Variants in TBC1D8 observed in about 807,000 individuals in gnomAD.
The protein encoded by TBC1D8 is TBC1 domain family member 8, also known as BUB2-like protein 1.
Under a neutral mutation model 118.8 loss-of-function variants are expected in TBC1D8, and 65 were observed. The observed-to-expected ratio is 0.55, with a 90% CI of 0.45 to 0.67. The LOEUF (loss-of-function observed/expected upper bound fraction) is 0.67. Ranked by LOEUF, TBC1D8 falls within the 30% of genes least tolerant of loss-of-function variation. The pLI, the probability that TBC1D8 is intolerant of heterozygous loss-of-function variation, is 0.00. For synonymous variants in TBC1D8, 566 were observed against 595.8 expected, an observed-to-expected ratio of 0.95 and a Z score of 0.73; for missense variants, 1,376 against 1,471.2, an observed-to-expected ratio of 0.94 and a Z score of 1.06.
Position 101,118,089 on chromosome 2 carries a change from C to T in TBC1D8, c.128-27725G>A, listed in dbSNP as rs145928374. Among the ~76,000 whole-genome samples the T allele has an allele frequency of 1.2e-4, 19 of 152,130 alleles. No individual in the cohort carries two copies. In the South Asian group the frequency reaches 3.5e-3, roughly 28 times the overall value. ...ACATCCATCATCAACCATAAAGTCACGAATGAGTGAGGACTGAGCTCCCTT... is the reference window on the plus strand; with the variant it reads ...ACATCCATCATCAACCATAAAGTCATGAATGAGTGAGGACTGAGCTCCCTT... On this transcript the variant is annotated intron_variant, in intron 1 of 19. Coordinates refer to ENST00000409318, the MANE Select transcript of TBC1D8 (RefSeq NM_001330348.2).
intron 1 of TBC1D8, among the ~76,000 whole-genome samples, chr2:101,123,070 T>C (rs1037576497): frequency 1.3e-5 from 2 of 152,186 alleles, no homozygotes; most frequent in East Asian, 1.9e-4. Context: ...TAGGAATATA[T>C]ACCTAAAACA....
At chr2:101,148,456 G>T (rs960279952) in intron 1 of TBC1D8, among the ~76,000 whole-genome samples, 2 of 152,172 alleles carry the variant, frequency 1.3e-5, no homozygotes, top group African/African-American at 4.8e-5. Context: ...TTGGTATATT[G>T]TAAGAGAAAG....
chr2:101,107,801 G>GA (rs1677321625), intron 1 of TBC1D8, among the ~76,000 whole-genome samples: 1 of 152,216 alleles, frequency 6.6e-6, no homozygotes, highest in Non-Finnish European at 1.5e-5. Flanking sequence ...CCCACAGTAT[G>GA]AAAGGTGGGG....
intron 17 of TBC1D8, among the ~76,000 whole-genome samples, chr2:101,021,117 G>A (rs1014312805): frequency 1.3e-5 from 2 of 152,108 alleles, no homozygotes; most frequent in African/African-American, 2.4e-5. Context: ...CCACAGCACT[G>A]GGGGGACAGA....
rs956366482 is a variant in TBC1D8 at position 101,022,138 on chromosome 2, T to C, written c.2761+143A>G. 3.6e-6 allele frequency: 5 copies of C among 1,374,086 alleles called. No homozygotes were observed. The African/African-American group carries it at 7.3e-5, about 20-fold the overall frequency. The allele number at this position is 1,374,086 out of a possible 1,614,324, so 85.1% of individuals were successfully genotyped here. ...ATCCTGAGAGGGGCCTGCAGAGTGATATTTCAAAATCATAAGTTCATGTCA... is the reference window on the plus strand; with the variant it reads ...ATCCTGAGAGGGGCCTGCAGAGTGACATTTCAAAATCATAAGTTCATGTCA... On this transcript the variant is annotated intron_variant, in intron 16 of 19. Coordinates refer to ENST00000409318, the MANE Select transcript of TBC1D8 (RefSeq NM_001330348.2).
At chr2:101,112,154 A>AG (rs1352491602) in intron 1 of TBC1D8, among the ~76,000 whole-genome samples, 5 of 152,160 alleles carry the variant, frequency 3.3e-5, no homozygotes, top group Non-Finnish European at 7.3e-5. Context: ...GACCAAACGT[A>AG]GGGGTCCTGT....
At chr2:101,018,132 C>G (rs1466509705) in intron 17 of TBC1D8, 10 of 528,718 alleles carry the variant, frequency 1.9e-5, no homozygotes, top group Non-Finnish European at 3.4e-5. Context: ...TTCAGAATAA[C>G]AAAGCTTTCC....
chr2:101,072,076 C>T (rs927729034), intron 2 of TBC1D8, among the ~76,000 whole-genome samples: 2 of 152,206 alleles, frequency 1.3e-5, no homozygotes, highest in African/African-American at 4.8e-5. Flanking sequence ...CTTCATCAAG[C>T]TCTTGGGCAA....
chr2:101,089,583 C>T (rs1376996928), intron 2 of TBC1D8, among the ~76,000 whole-genome samples: 2 of 152,048 alleles, frequency 1.3e-5, no homozygotes, highest in African/African-American at 4.8e-5. Context: ...CAGGTGGTTT[C>T]CACCTTCTCT....
Position 101,068,371 on chromosome 2 carries a change from G to A in TBC1D8, c.284-8832C>T, listed in dbSNP as rs533326021. Reference sequence around the variant, plus strand: ...AACTCTCGGTCTTCTTGGTAATACCGGGTTGGATGTCAAAAGTTGCAGAAA... The same window carrying A: ...AACTCTCGGTCTTCTTGGTAATACCAGGTTGGATGTCAAAAGTTGCAGAAA... On this transcript the variant is annotated intron_variant, in intron 2 of 19. Transcript: ENST00000409318. 59 of 259,384 alleles carry A rather than the reference G, an allele frequency of 2.3e-4. 1 individual carries two copies. Among genetic ancestry groups the A allele is most frequent in the South Asian group, 2.2e-3 (44 of 20,226 alleles). The allele number at this position is 259,384 out of a possible 1,614,324, so 16.1% of individuals were successfully genotyped here.
At chr2:101,072,340 T>G (rs1674505558) in intron 2 of TBC1D8, among the ~76,000 whole-genome samples, 2 of 151,640 alleles carry the variant, frequency 1.3e-5, no homozygotes, top group Admixed American at 6.6e-5. Context: ...GGAGCAGGTG[T>G]GTCAAAAGGA....
At chr2:101,125,800 G>A (rs1303611167) in intron 1 of TBC1D8, among the ~76,000 whole-genome samples, 10 of 152,176 alleles carry the variant, frequency 6.6e-5, no homozygotes, top group Non-Finnish European at 1.5e-5. Flanking sequence ...GAGTGAGGCA[G>A]GGTAACCAAT....
intron 1 of TBC1D8, among the ~76,000 whole-genome samples, chr2:101,150,016 C>T (rs1679487151): frequency 1.3e-5 from 2 of 152,312 alleles, no homozygotes; most frequent in Middle Eastern, 3.4e-3. Flanking sequence ...CAACTCCCAC[C>T]CACTCACCCG....
chr2:101,095,393 T>TCCCCCCCCCCCC (rs34728768), intron 1 of TBC1D8, among the ~76,000 whole-genome samples: 3 of 127,986 alleles, frequency 2.3e-5, no homozygotes, highest in Admixed American at 7.7e-5. Flanking sequence ...TAATGCTATC[T>TCCCCCCCCCCCC]CCCCCCCCCT....
At chr2:101,106,750 C>T (rs1395773225) in intron 1 of TBC1D8, among the ~76,000 whole-genome samples, 2 of 152,206 alleles carry the variant, frequency 1.3e-5, no homozygotes, top group Admixed American at 6.5e-5. Context: ...AGCACTCTCT[C>T]GTGATGCTGG....
Position 101,122,383 on chromosome 2 carries a change from C to CAAA in TBC1D8, c.127+28741_127+28743dup, listed in dbSNP as rs70943064. Among the ~76,000 whole-genome samples, 38 of 71,946 alleles carry CAAA rather than the reference C, an allele frequency of 5.3e-4. 3 individuals carry two copies. Among genetic ancestry groups the CAAA allele is most frequent in the African/African-American group, 1.3e-3 (29 of 22,576 alleles). The allele number at this position is 71,946 out of a possible 152,430, so 47.2% of individuals were successfully genotyped here. A position where few individuals can be genotyped will look rare whatever the true frequency, so the allele number is the denominator to read the frequency against. Reference sequence around the variant, plus strand: ...ACCGCGCCCGGCCAAGACTCCATTTCAAAAAAAAAAAAAAAAAAAAAAAAA... The same window carrying CAAA: ...ACCGCGCCCGGCCAAGACTCCATTTCAAAAAAAAAAAAAAAAAAAAAAAAAAAA... On this transcript the variant is annotated intron_variant, in intron 1 of 19. Coordinates refer to ENST00000409318, the MANE Select transcript of TBC1D8 (RefSeq NM_001330348.2).
At chr2:101,072,688 G>A (rs144607138) in intron 2 of TBC1D8, among the ~76,000 whole-genome samples, 2 of 152,264 alleles carry the variant, frequency 1.3e-5, no homozygotes, top group African/African-American at 4.8e-5. Context: ...ACACTCCTAT[G>A]AGAGTCTAAT....
intron 2 of TBC1D8, among the ~76,000 whole-genome samples, chr2:101,079,635 C>G (rs371934088): frequency 1.4e-5 from 2 of 148,144 alleles, no homozygotes; most frequent in African/African-American, 5.0e-5. Context: ...CTCAGCCTCT[C>G]AAAGTGCTGG....
chr2:101,029,154 C>T (rs538359722), intron 12 of TBC1D8, among the ~76,000 whole-genome samples: 53 of 152,228 alleles, frequency 3.5e-4, no homozygotes, highest in African/African-American at 1.1e-3. Flanking sequence ...TCTGGGAGGC[C>T]GAGGAGGGTG....
Sources: gnomAD v4.1 joint callset for allele counts (sites outside exome capture counted in the v4.1 genomes callset) on GRCh38, gnomAD v4.1.1 for gene constraint, MANE v1.5 for transcripts, NCBI Gene and HGNC (gene_info 2026-07-23, HGNC 2026-07-21) for gene names.